Variants in EVI5 observed in about 807,000 individuals in gnomAD.
The protein encoded by EVI5 is ecotropic viral integration site 5 protein homolog.
Under a neutral mutation model 112.0 loss-of-function variants are expected in EVI5, and 73 were observed. That is an observed-to-expected ratio of 0.65 (90% CI 0.54 to 0.79). The LOEUF (loss-of-function observed/expected upper bound fraction) is 0.79, where lower values mean the gene tolerates loss of function less well. EVI5 is among the 30% of genes least tolerant of loss of function. EVI5 has a pLI of 0.00. For synonymous variants in EVI5, 305 were observed against 319.9 expected (o/e 0.95, Z 0.50); for missense variants, 900 against 968.8 (o/e 0.93, Z 0.94).
chr1:92,547,206 G>A (rs1331212252), intron 19 of EVI5, among the ~76,000 whole-genome samples: 3 of 152,076 alleles, frequency 2.0e-5, no homozygotes, highest in South Asian at 2.1e-4. Context: ...ACTCAAAACT[G>A]ATCAACTACA....
At chr1:92,678,543 AT>A (rs1032101591) in intron 9 of EVI5, among the ~76,000 whole-genome samples, 1 of 151,990 alleles carries the variant, frequency 6.6e-6, no homozygotes, top group South Asian at 2.1e-4. Context: ...GTGATAAACC[AT>A]TTTTTTAAAA....
intron 18 of EVI5, among the ~76,000 whole-genome samples, chr1:92,590,546 G>A (rs1435224312): frequency 3.3e-5 from 5 of 152,270 alleles, no homozygotes; most frequent in Non-Finnish European, 5.9e-5. Context: ...GAAATGAAGC[G>A]AGAAGAGAAG....
At chr1:92,536,852 T>C (rs1571377943) in intron 19 of EVI5, among the ~76,000 whole-genome samples, 1 of 152,314 alleles carries the variant, frequency 6.6e-6, no homozygotes, top group East Asian at 1.9e-4. Flanking sequence ...AAAATTACAG[T>C]TGATTTTTTT....
At chr1:92,523,324 C>T (rs1661276692) in intron 19 of EVI5, among the ~76,000 whole-genome samples, 1 of 151,992 alleles carries the variant, frequency 6.6e-6, no homozygotes, top group African/African-American at 2.4e-5. Flanking sequence ...CCCCTTCACC[C>T]TCACCCTGGC....
intron 9 of EVI5, among the ~76,000 whole-genome samples, chr1:92,689,775 A>G (rs1016566569): frequency 1.3e-5 from 2 of 152,252 alleles, no homozygotes; most frequent in Non-Finnish European, 2.9e-5. Flanking sequence ...AACATTCTGA[A>G]TATAGGCTGT....
At position 92,538,764 on chromosome 1, in the gene EVI5, G is replaced by A. The variant is rs192266930; in HGVS notation, c.2167-24794C>T. The stretch of plus-strand genomic sequence containing the variant: ...AGATGATGATGTTCGAGTTGGGTCT[G>A]TAAGGATGAGCAGAGGTGGAGGGAG... On this transcript the variant is annotated intron_variant, in intron 19 of 19. Coordinates refer to ENST00000684568, the MANE Select transcript of EVI5 (RefSeq NM_001350197.2). Among the ~76,000 whole-genome samples the A allele has an allele frequency of 7.2e-5, 11 of 152,320 alleles. No homozygotes were observed. In the East Asian group the frequency reaches 1.9e-3, roughly 27 times the overall value.
At chr1:92,584,796 A>T (rs1415516968) in intron 18 of EVI5, among the ~76,000 whole-genome samples, 1 of 152,258 alleles carries the variant, frequency 6.6e-6, no homozygotes, top group East Asian at 1.9e-4. Flanking sequence ...ACCAATAATG[A>T]AATCTGAAAA....
chr1:92,532,415 C>G (rs1054315218), intron 19 of EVI5, among the ~76,000 whole-genome samples: 1 of 152,154 alleles, frequency 6.6e-6, no homozygotes, highest in Non-Finnish European at 1.5e-5. Flanking sequence ...GGCTTAAAAT[C>G]AGCTCTGGCC....
At chr1:92,526,067 G>GT (rs34835481) in intron 19 of EVI5, among the ~76,000 whole-genome samples, 3 of 151,552 alleles carry the variant, frequency 2.0e-5, no homozygotes, top group African/African-American at 4.8e-5. Context: ...TATTGTTTTT[G>GT]TTTTTTTTTG....
At chr1:92,744,182 C>T (rs964896918) in intron 1 of EVI5, among the ~76,000 whole-genome samples, 1 of 152,090 alleles carries the variant, frequency 6.6e-6, no homozygotes, top group Non-Finnish European at 1.5e-5. Flanking sequence ...AACTTAATTC[C>T]ACCGTGGTCT....
intron 1 of EVI5, among the ~76,000 whole-genome samples, chr1:92,761,057 C>CAAAAAA (rs35833050): frequency 9.4e-6 from 1 of 106,224 alleles, no homozygotes; most frequent in Admixed American, 1.2e-4. Flanking sequence ...GGCTCCATCT[C>CAAAAAA]AAAAAAAAAA....
chr1:92,706,343 T>C (rs1671962849), intron 2 of EVI5, among the ~76,000 whole-genome samples: 1 of 152,190 alleles, frequency 6.6e-6, no homozygotes, highest in Non-Finnish European at 1.5e-5. Context: ...GAAAAATTAG[T>C]TTACATAGGT....
intron 14 of EVI5, among the ~76,000 whole-genome samples, chr1:92,634,406 C>T (rs1395970170): frequency 1.5e-4 from 23 of 152,164 alleles, no homozygotes; most frequent in Admixed American, 1.4e-3. Flanking sequence ...CCAAACTTCT[C>T]TTCTCGCTTC....
chr1:92,566,310 G>T (rs1669478986), intron 18 of EVI5, among the ~76,000 whole-genome samples: 1 of 152,132 alleles, frequency 6.6e-6, no homozygotes, highest in Admixed American at 6.5e-5. Flanking sequence ...TCCACATAAT[G>T]ATGTTTTGGT....
chr1:92,552,159 T>C (rs1490958476), intron 19 of EVI5, among the ~76,000 whole-genome samples: 1 of 146,538 alleles, frequency 6.8e-6, no homozygotes, highest in Non-Finnish European at 1.5e-5. Flanking sequence ...TGGAGCCAGC[T>C]TCAAAGAGTT....
intron 10 of EVI5, among the ~76,000 whole-genome samples, chr1:92,670,464 C>T (rs1007199407): frequency 3.3e-5 from 5 of 152,154 alleles, no homozygotes; most frequent in African/African-American, 9.7e-5. Context: ...AATCATTATA[C>T]GGCTCCCTTG....
At chr1:92,667,679 G>A (rs1572195940) in intron 10 of EVI5, among the ~76,000 whole-genome samples, 5 of 152,266 alleles carry the variant, frequency 3.3e-5, no homozygotes, top group South Asian at 2.1e-4. Context: ...GCAGTGGTGC[G>A]ATCTCAGCTC....
intron 13 of EVI5, among the ~76,000 whole-genome samples, chr1:92,651,678 C>T (rs944533459): frequency 7.4e-6 from 1 of 135,140 alleles, no homozygotes; most frequent in East Asian, 2.1e-4. Flanking sequence ...GGTGAAACCC[C>T]GTCTCTATTA....
chr1:92,682,232 T>C (rs1394054307), intron 9 of EVI5, among the ~76,000 whole-genome samples: 1 of 152,168 alleles, frequency 6.6e-6, no homozygotes, highest in African/African-American at 2.4e-5. Context: ...GCACTCTTAC[T>C]TCCCTCTGGT....
Sources: gnomAD v4.1 joint callset for allele counts (sites outside exome capture counted in the v4.1 genomes callset) on GRCh38, gnomAD v4.1.1 for gene constraint, MANE v1.5 for transcripts, NCBI Gene and HGNC (gene_info 2026-07-23, HGNC 2026-07-21) for gene names.